PIK3R6: variants seen among roughly 807,000 people sequenced by gnomAD.
The protein encoded by PIK3R6 is phosphoinositide 3-kinase regulatory subunit 6.
In PIK3R6, 91 loss-of-function variants were observed where a neutral mutation model predicts 84.9. The ratio of observed to expected loss-of-function variants is 1.07; its 90% CI spans 0.90 to 1.28. PIK3R6 has a LOEUF of 1.28. PIK3R6 is among the 50% of genes most tolerant of loss of function. The probability of loss-of-function intolerance (pLI) is 0.00; values close to 1 mark genes in which losing one functional copy is unlikely to be tolerated. For missense variants in PIK3R6, 996 were observed against 985.1 expected (o/e 1.01, Z -0.15); for synonymous variants, 416 against 411.4 (o/e 1.01, Z -0.13).
Position 8,844,067 on chromosome 17 carries a change from C to A in PIK3R6, c.14-4370G>T, listed in dbSNP as rs1472873250. 6.6e-6 allele frequency among the ~76,000 whole-genome samples: 1 copy of A among 152,162 alleles called. No individual in the cohort carries two copies. Among genetic ancestry groups the A allele is most frequent in the South Asian group, 2.1e-4 (1 of 4,830 alleles). On this transcript the variant is annotated intron_variant, in intron 2 of 19. Transcript: ENST00000619866. The surrounding 1 kb of genome is among the most constrained non-coding windows in gnomAD (Gnocchi z 4.5). ...TTCCAGGGAATGAGGAAAATCAGAC[C>A]GGCTGGGACAAAGCTTACCAGTGGC... is the stretch of plus-strand genomic sequence containing the variant.
Position 8,862,665 on chromosome 17 carries a change from T to G in PIK3R6, c.-92+4864A>C, listed in dbSNP as rs2089310523. On this transcript the variant is annotated intron_variant, in intron 1 of 19. Coordinates refer to ENST00000619866, the MANE Select transcript of PIK3R6 (RefSeq NM_001010855.4). This position sits in a 1 kb window ranked among gnomAD's most constrained non-coding sequence, Gnocchi z 4.3. ...GGGCAATGTGCAAGGTACTGACCAATCAAACATGCCATGAGCATGTTTTAG... is the reference window on the plus strand; with the variant it reads ...GGGCAATGTGCAAGGTACTGACCAAGCAAACATGCCATGAGCATGTTTTAG... Among the ~76,000 whole-genome samples the G allele has an allele frequency of 6.6e-6, 1 of 152,094 alleles. No individual in the cohort carries two copies. Among genetic ancestry groups the G allele is most frequent in the African/African-American group, 2.4e-5 (1 of 41,412 alleles).
chr17:8,817,700 T>C (rs2087587549), intron 18 of PIK3R6, among the ~76,000 whole-genome samples: 1 of 151,786 alleles, frequency 6.6e-6, no homozygotes, highest in Non-Finnish European at 1.5e-5. Flanking sequence ...TAAAGAAATA[T>C]AAGGGCTAAA....
At position 8,839,179 on chromosome 17, in the gene PIK3R6, C is replaced by G. The variant is rs1567600478; in HGVS notation, c.97+435G>C. 6.6e-6 allele frequency among the ~76,000 whole-genome samples: 1 copy of G among 152,048 alleles called. No homozygotes were observed. The highest frequency in any genetic ancestry group is 6.6e-5 in the Admixed American group (1 of 15,262). On this transcript the variant is annotated intron_variant, in intron 3 of 19. Coordinates refer to ENST00000619866, the MANE Select transcript of PIK3R6 (RefSeq NM_001010855.4). The surrounding 1 kb of genome is among the most constrained non-coding windows in gnomAD (Gnocchi z 4.2). ...CCTGGCCAACATGGTGAAACTGCAT[C>G]TCTACGAAAAATACAAAAATTAGCA...
At chr17:8,841,002 T>A (rs1172313487) in intron 2 of PIK3R6, among the ~76,000 whole-genome samples, 67 of 152,234 alleles carry the variant, frequency 4.4e-4, no homozygotes, top group Non-Finnish European at 2.1e-4. Flanking sequence ...TCTGCCCGCC[T>A]CGGCCTTCCA....
intron 18 of PIK3R6, among the ~76,000 whole-genome samples, chr17:8,806,861 T>A (rs1362331728): frequency 2.0e-5 from 3 of 152,358 alleles, no homozygotes; most frequent in East Asian, 3.9e-4. Context: ...CAGCTCACCA[T>A]GAGCTTCCCC....
At chr17:8,858,465 C>T (rs985240174) in intron 1 of PIK3R6, among the ~76,000 whole-genome samples, 4 of 151,918 alleles carry the variant, frequency 2.6e-5, no homozygotes, top group African/African-American at 7.2e-5. Context: ...TACAGGCACC[C>T]GCCGCCACCC....
intron 2 of PIK3R6, among the ~76,000 whole-genome samples, chr17:8,843,143 A>G (rs142767626): frequency 1.6e-3 from 247 of 152,322 alleles, no homozygotes; most frequent in Non-Finnish European, 2.2e-3. Context: ...TGAGGAAATC[A>G]TTTAGCTCAG....
Position 8,803,492 on chromosome 17 carries a change from T to G in PIK3R6, c.2109-63A>C, listed in dbSNP as rs2151160666. The G allele has an allele frequency of 6.7e-7, 1 of 1,491,116 alleles. No homozygotes were observed. Among genetic ancestry groups the G allele is most frequent in the Non-Finnish European group, 9.1e-7 (1 of 1,103,448 alleles). 92.4% of individuals were successfully genotyped at this position (1,491,116 alleles called of 1,614,324 possible). A position where few individuals can be genotyped will look rare whatever the true frequency, so the allele number is the denominator to read the frequency against. ...GAGGGATCAGATTGCCTAGGGCATT[T>G]GAAAGGCAGAGCTGTTATTGTAGGG... On this transcript the variant is annotated intron_variant, in intron 19 of 19. Coordinates refer to ENST00000619866, the MANE Select transcript of PIK3R6 (RefSeq NM_001010855.4). The surrounding 1 kb of genome is among the most constrained non-coding windows in gnomAD (Gnocchi z 5.0).
chr17:8,847,628 C>T (rs2088843513), intron 2 of PIK3R6, among the ~76,000 whole-genome samples: 1 of 151,988 alleles, frequency 6.6e-6, no homozygotes, highest in African/African-American at 2.4e-5. Flanking sequence ...CGGTGAAACC[C>T]CGTCTCTACT....
chr17:8,822,329 C>T (rs1376310190), intron 16 of PIK3R6, among the ~76,000 whole-genome samples: 1 of 152,166 alleles, frequency 6.6e-6, no homozygotes, highest in Non-Finnish European at 1.5e-5. Flanking sequence ...CTCTGGTCAG[C>T]TAGCAAGGAA....
chr17:8,819,956 T>TATA (rs201494146), intron 17 of PIK3R6, among the ~76,000 whole-genome samples: 9 of 78,840 alleles, frequency 1.1e-4, no homozygotes, highest in African/African-American at 3.5e-4. Flanking sequence ...TATATATATA[T>TATA]TTTTTTTTTG....
At chr17:8,832,796 G>A (rs1300694660) in intron 9 of PIK3R6, 93 bp downstream of exon 9, 5 of 1,567,722 alleles carry the variant, frequency 3.2e-6, no homozygotes, top group Non-Finnish European at 4.3e-6. Flanking sequence ...CCAGACAGAG[G>A]CAGGTCCAGC....
chr17:8,833,031 G>T lies in PIK3R6; in HGVS notation c.660C>A (p.Arg220=), dbSNP rs780959889. The stretch of plus-strand genomic sequence containing the variant: ...CGGCGTGGAAATAGTGCTCCAGGGT[G>T]CGGCGAGGGCTGGCCTGTTGGGGAG... ...LHRKLQASPR[R]TLEHYFHAVV... is the part of the protein sequence containing the mutation. Residue 220 remains arginine (R), a synonymous_variant, in exon 9 of 20, where the codon CGC becomes CGA. Transcript: ENST00000619866. 1 of 1,598,626 alleles carries T rather than the reference G, an allele frequency of 6.3e-7. No homozygotes were observed. The highest frequency in any genetic ancestry group is 1.1e-5 in the South Asian group (1 of 89,874).
At position 8,833,038 on chromosome 17, in the gene PIK3R6, G is replaced by A. The variant is rs778723142; in HGVS notation, c.653C>T (p.Pro218Leu). 114 of 1,590,030 alleles carry A rather than the reference G, an allele frequency of 7.2e-5. 1 individual carries two copies. The highest frequency in any genetic ancestry group is 9.5e-5 in the Non-Finnish European group (111 of 1,171,028). ...GALHRKLQAS[P>L]RRTLEHYFHA... is the part of the protein sequence containing the mutation. ...GAAATAGTGCTCCAGGGTGCGGCGAGGGCTGGCCTGTTGGGGAGGGGCGTC... is the reference window on the plus strand; with the variant it reads ...GAAATAGTGCTCCAGGGTGCGGCGAAGGCTGGCCTGTTGGGGAGGGGCGTC... Residue 218 changes from proline (P) to leucine (L), a missense_variant, in exon 9 of 20, where the codon CCT becomes CTT. By Grantham distance (98) the Pro-to-Leu change is moderately conservative. Transcript: ENST00000619866.
In PIK3R6 at chr17:8,804,162, C is replaced by T. The variant is rs777568160; in HGVS notation, c.1996-9G>A. ...AAGGTGTTGGTCACTGTCTGCAGCA[C>T]AGAGATCGCACGTGTGAGTGTTGCC... On this transcript the variant is annotated splice_polypyrimidine_tract_variant and intron_variant, in intron 18 of 19. Coordinates refer to ENST00000619866, the MANE Select transcript of PIK3R6 (RefSeq NM_001010855.4). The T allele has an allele frequency of 1.5e-5, 24 of 1,607,708 alleles. No homozygotes were observed. In the South Asian group the frequency reaches 2.3e-4, roughly 15 times the overall value.
chr17:8,822,680 T>A, intron 15 of PIK3R6, 23 bp from the exon 16 acceptor site: 1 of 1,611,360 alleles, frequency 6.2e-7, no homozygotes, highest in Non-Finnish European at 8.5e-7. Flanking sequence ...GAGAAGAGGC[T>A]TGGGGTGGAG....
intron 9 of PIK3R6, among the ~76,000 whole-genome samples, chr17:8,831,836 T>A (rs1189206340): frequency 6.6e-6 from 1 of 152,150 alleles, no homozygotes; most frequent in Non-Finnish European, 1.5e-5. Flanking sequence ...ATCAGAACCA[T>A]CCTACAACAG....
chr17:8,820,005 T>C (rs1468850410), intron 17 of PIK3R6, among the ~76,000 whole-genome samples: 1 of 149,860 alleles, frequency 6.7e-6, no homozygotes, highest in Non-Finnish European at 1.5e-5. Flanking sequence ...TGTAGTGCAG[T>C]GGCATGATCT....
Position 8,822,792 on chromosome 17 carries a change from C to T in PIK3R6, c.1718-135G>A, listed in dbSNP as rs2087784365. 8.7e-6 allele frequency: 9 copies of T among 1,034,098 alleles called. No homozygotes were observed. In the South Asian group the frequency reaches 1.2e-4, roughly 14 times the overall value. The allele number at this position is 1,034,098 out of a possible 1,614,324, so 64.1% of individuals were successfully genotyped here. The stretch of plus-strand genomic sequence containing the variant: ...ATCTCCCTGGATGGAAAGGTGACAC[C>T]TCCGGGGGCCAGGATGCCTTTCAGT... On this transcript the variant is annotated intron_variant, in intron 15 of 19. Transcript: ENST00000619866.
Sources: gnomAD v4.1 joint callset for allele counts (sites outside exome capture counted in the v4.1 genomes callset) on GRCh38, gnomAD v4.1.1 for gene constraint, Gnocchi (gnomAD v3.1) non-coding constraint, MANE v1.5 for transcripts, NCBI Gene and HGNC (gene_info 2026-07-23, HGNC 2026-07-21) for gene names.